CDH12: variants seen among roughly 807,000 people sequenced by gnomAD.
CDH12 encodes the protein cadherin-12.
In CDH12, 41 loss-of-function variants were observed where a neutral mutation model predicts 74.1. The ratio of observed to expected loss-of-function variants is 0.55; its 90% CI spans 0.43 to 0.72. The LOEUF (loss-of-function observed/expected upper bound fraction) is 0.72, where lower values mean the gene tolerates loss of function less well. CDH12 is among the 30% of genes least tolerant of loss of function. CDH12 has a pLI of 0.00. For synonymous variants in CDH12, 399 were observed against 355.0 expected (o/e 1.12, Z -1.39); for missense variants, 945 against 977.2 (o/e 0.97, Z 0.44).
intron 3 of CDH12, among the ~76,000 whole-genome samples, chr5:22,236,460 C>T (rs184701277): frequency 2.6e-3 from 396 of 152,176 alleles, no homozygotes; most frequent in African/African-American, 9.1e-3. Context: ...AGGCCAGGCA[C>T]GGTGGCTCAC....
chr5:22,549,953 T>C (rs1738498074), intron 1 of CDH12, among the ~76,000 whole-genome samples: 1 of 152,212 alleles, frequency 6.6e-6, no homozygotes. Context: ...AGTTTCTCTC[T>C]AAATTGGATT....
chr5:22,126,306 C>G (rs944765901), intron 4 of CDH12, among the ~76,000 whole-genome samples: 1 of 152,038 alleles, frequency 6.6e-6, no homozygotes, highest in Non-Finnish European at 1.5e-5. Context: ...CTAAGTGGCC[C>G]TTCTGTCCTG....
At chr5:22,713,663 T>C (rs401703) in intron 1 of CDH12, among the ~76,000 whole-genome samples, 35,401 of 151,904 alleles carry the variant, frequency 0.23, 4,663 homozygotes, top group South Asian at 0.31. Flanking sequence ...ACATAATAAA[T>C]AGGTAGATAG....
At chr5:22,347,012 C>T (rs1213829931) in intron 3 of CDH12, among the ~76,000 whole-genome samples, 2 of 152,132 alleles carry the variant, frequency 1.3e-5, no homozygotes, top group Non-Finnish European at 2.9e-5. Flanking sequence ...ATAAAATTTC[C>T]TCATGTATCA....
At chr5:22,417,679 C>A (rs934987985) in intron 2 of CDH12, among the ~76,000 whole-genome samples, 25 of 152,150 alleles carry the variant, frequency 1.6e-4, no homozygotes, top group Admixed American at 1.6e-3. Context: ...AATCTGAATT[C>A]TCATGCATTC....
At chr5:22,177,059 T>G (rs1051085820) in intron 4 of CDH12, among the ~76,000 whole-genome samples, 2 of 152,154 alleles carry the variant, frequency 1.3e-5, no homozygotes, top group Non-Finnish European at 2.9e-5. Flanking sequence ...TATGATAACC[T>G]GACATAATAC....
intron 1 of CDH12, among the ~76,000 whole-genome samples, chr5:22,587,687 C>T (rs796523381): frequency 3.9e-5 from 6 of 152,234 alleles, no homozygotes; most frequent in African/African-American, 1.4e-4. Context: ...CAACTAACAA[C>T]TGTCCCTTTA....
intron 3 of CDH12, among the ~76,000 whole-genome samples, chr5:22,311,208 A>G (rs777018117): frequency 2.6e-5 from 4 of 152,198 alleles, no homozygotes; most frequent in Non-Finnish European, 4.4e-5. Flanking sequence ...CATAGATTCA[A>G]GTTGCCCTAA....
At chr5:22,754,997 C>G (rs937363127) in intron 1 of CDH12, among the ~76,000 whole-genome samples, 3 of 152,054 alleles carry the variant, frequency 2.0e-5, no homozygotes, top group African/African-American at 7.2e-5. Context: ...ATATTTTTTT[C>G]TATGTCACTT....
At chr5:22,673,628 G>A (rs959641981) in intron 1 of CDH12, among the ~76,000 whole-genome samples, 3 of 152,052 alleles carry the variant, frequency 2.0e-5, no homozygotes, top group Non-Finnish European at 4.4e-5. Context: ...AAGCTCACTA[G>A]TTCTCCTCAT....
intron 3 of CDH12, among the ~76,000 whole-genome samples, chr5:22,258,020 C>A (rs1753378856): frequency 6.6e-6 from 1 of 151,850 alleles, no homozygotes; most frequent in Non-Finnish European, 1.5e-5. Flanking sequence ...GAAAAATATT[C>A]TTTATAAATT....
At chr5:22,055,710 G>T (rs1221629928) in intron 5 of CDH12, among the ~76,000 whole-genome samples, 1 of 151,878 alleles carries the variant, frequency 6.6e-6, no homozygotes, top group African/African-American at 2.4e-5. Context: ...GATAATACAT[G>T]TATTAATAAA....
chr5:22,123,956 A>AT (rs1745676801), intron 4 of CDH12, among the ~76,000 whole-genome samples: 1 of 151,168 alleles, frequency 6.6e-6, no homozygotes, highest in African/African-American at 2.4e-5. Context: ...TAATTTTTTT[A>AT]TTTTTTATTT....
chr5:22,743,278 A>G (rs964174630), intron 1 of CDH12, among the ~76,000 whole-genome samples: 2 of 138,810 alleles, frequency 1.4e-5, no homozygotes, highest in African/African-American at 5.2e-5. Flanking sequence ...ATATATATAT[A>G]TATGTATATA....
chr5:21,782,035 C>T (rs1008775934), intron 11 of CDH12, among the ~76,000 whole-genome samples: 1 of 152,104 alleles, frequency 6.6e-6, no homozygotes, highest in African/African-American at 2.4e-5. Context: ...GCTAATATTC[C>T]ATTTCACATG....
chr5:22,170,263 C>A (rs1748942525), intron 4 of CDH12, among the ~76,000 whole-genome samples: 1 of 151,770 alleles, frequency 6.6e-6, no homozygotes, highest in South Asian at 2.1e-4. Flanking sequence ...TAATAATGAT[C>A]AAAAACTTTA....
chr5:22,548,559 G>A (rs1738429556), intron 1 of CDH12, among the ~76,000 whole-genome samples: 1 of 151,926 alleles, frequency 6.6e-6, no homozygotes, highest in East Asian at 1.9e-4. Flanking sequence ...GGTGAACTAG[G>A]CTGTTGAAGC....
chr5:22,140,465 C>G (rs561055410), intron 4 of CDH12, among the ~76,000 whole-genome samples: 1 of 151,900 alleles, frequency 6.6e-6, no homozygotes, highest in Admixed American at 6.6e-5. Flanking sequence ...AGTTTCCTTT[C>G]GCATTCATCC....
chr5:22,709,816 A>G (rs767707133), intron 1 of CDH12, among the ~76,000 whole-genome samples: 1 of 152,334 alleles, frequency 6.6e-6, no homozygotes, highest in Non-Finnish European at 1.5e-5. Flanking sequence ...CCTATGGTAC[A>G]GACTGAAAGT....
Sources: allele counts gnomAD v4.1 joint callset (sites outside exome capture counted in the v4.1 genomes callset), GRCh38; gene constraint gnomAD v4.1.1; transcripts MANE v1.5; gene names NCBI Gene and HGNC (gene_info 2026-07-23, HGNC 2026-07-21).